Variants in RBFOX1 observed in about 807,000 individuals in gnomAD.
RBFOX1 encodes RNA binding fox-1 homolog 1, also known as RNA binding protein fox-1 homolog 1.
Under a neutral mutation model 57.7 loss-of-function variants are expected in RBFOX1, and 8 were observed. The ratio of observed to expected loss-of-function variants is 0.14; its 90% CI spans 0.08 to 0.25. RBFOX1 has a LOEUF of 0.25. Ranked by LOEUF, RBFOX1 falls within the 10% of genes least tolerant of loss-of-function variation. RBFOX1 has a pLI of 1.00. For synonymous variants in RBFOX1, 326 were observed against 222.4 expected (o/e 1.47, Z -4.15); for missense variants, 611 against 548.5 (o/e 1.11, Z -1.14).
At position 7,127,066 on chromosome 16, in the gene RBFOX1, C is replaced by A. The variant is rs1362067854; in HGVS notation, c.27+74968C>A. On this transcript the variant is annotated intron_variant, in intron 4 of 15. Transcript: ENST00000550418. ...CTAAGAGAAAATCTGGTTGGTCCTT[C>A]CTAGACCCCTTTTGTTTAAACAGCT... is the stretch of plus-strand genomic sequence containing the variant. Among the ~76,000 whole-genome samples the A allele has an allele frequency of 2.0e-5, 3 of 151,746 alleles. No homozygotes were observed. In the East Asian group the frequency reaches 5.8e-4, roughly 29 times the overall value.
rs574181802 is a variant in RBFOX1, at chr16:7,042,036, G to C, written c.-15-10021G>C. On this transcript the variant is annotated intron_variant, in intron 3 of 15. Transcript: ENST00000550418. ...GATTCCTTAACCTCCAGTCTCCATT[G>C]GGGAGAAAACTGGATCTACAGAAGG... Among the ~76,000 whole-genome samples, 329 of 152,262 alleles carry C rather than the reference G, an allele frequency of 2.2e-3. 3 individuals carry two copies. The highest frequency in any genetic ancestry group is 7.5e-3 in the African/African-American group (310 of 41,558).
At chr16:5,375,402 G>C (rs1349454159) in intron 1 of RBFOX1, among the ~76,000 whole-genome samples, 1 of 152,154 alleles carries the variant, frequency 6.6e-6, no homozygotes, top group Non-Finnish European at 1.5e-5. Context: ...GAATCTCCAG[G>C]GCTTGTGGGA....
chr16:7,548,194 A>G (rs2085167742), intron 5 of RBFOX1, among the ~76,000 whole-genome samples: 1 of 152,168 alleles, frequency 6.6e-6, no homozygotes, highest in Non-Finnish European at 1.5e-5. Flanking sequence ...CTTTTGAGAC[A>G]GAGAGTCCCA....
chr16:7,540,341 A>T (rs2082595779), intron 5 of RBFOX1, among the ~76,000 whole-genome samples: 1 of 152,208 alleles, frequency 6.6e-6, no homozygotes, highest in African/African-American at 2.4e-5. Context: ...CCATGTCGGC[A>T]ATGTGGCTGA....
At chr16:6,031,046 A>T (rs756946382) in intron 1 of RBFOX1, among the ~76,000 whole-genome samples, 2 of 152,204 alleles carry the variant, frequency 1.3e-5, no homozygotes, top group Non-Finnish European at 2.9e-5. Context: ...CCGTTATCAT[A>T]AGTATTAAAA....
chr16:7,506,250 AG>A (rs1315090170), intron 4 of RBFOX1, among the ~76,000 whole-genome samples: 1 of 150,540 alleles, frequency 6.6e-6, no homozygotes, highest in Non-Finnish European at 1.5e-5. Context: ...CCAGAACAAA[AG>A]TTTATATGTT....
At chr16:6,226,992 C>T (rs1044461897) in intron 1 of RBFOX1, among the ~76,000 whole-genome samples, 4 of 150,498 alleles carry the variant, frequency 2.7e-5, no homozygotes, top group Non-Finnish European at 5.9e-5. Context: ...GGTGTGGTAG[C>T]AGGCACCTGT....
At chr16:7,086,594 A>C (rs2060013687) in intron 4 of RBFOX1, among the ~76,000 whole-genome samples, 1 of 152,196 alleles carries the variant, frequency 6.6e-6, no homozygotes, top group Admixed American at 6.5e-5. Flanking sequence ...GGATACTTTC[A>C]GGAAATCTTA....
intron 1 of RBFOX1, among the ~76,000 whole-genome samples, chr16:6,195,061 G>A (rs1173059524): frequency 2.0e-5 from 3 of 152,104 alleles, no homozygotes; most frequent in African/African-American, 4.8e-5. Context: ...TTCAGATACG[G>A]AATCAGAGAA....
chr16:7,426,715 C>T (rs965396956), intron 4 of RBFOX1, among the ~76,000 whole-genome samples: 1 of 152,052 alleles, frequency 6.6e-6, no homozygotes, highest in Non-Finnish European at 1.5e-5. Flanking sequence ...GTGGAAGGTC[C>T]TGAGAATACC....
Position 6,363,507 on chromosome 16 carries a change from GTTC to G in RBFOX1, c.-64+46453_-64+46455del, listed in dbSNP as rs151140897. ...TTTACTTATTTGTTTAAATAATTGC[GTTC>G]TTTGGAATTGCCTAAATTTTGCACT... On this transcript the variant is annotated intron_variant, in intron 2 of 15. Transcript: ENST00000550418. Among the ~76,000 whole-genome samples the G allele has an allele frequency of 1.1e-3, 162 of 152,292 alleles. 5 individuals are homozygous for G. In the East Asian group the frequency reaches 0.026, roughly 24 times the overall value.
chr16:6,288,472 G>T (rs17220445), intron 1 of RBFOX1, among the ~76,000 whole-genome samples: 24,266 of 152,114 alleles, frequency 0.16, 2,313 homozygotes, highest in Non-Finnish European at 0.2. Context: ...AACAAATAAG[G>T]TCCATGCATC....
At chr16:6,582,850 A>G (rs1376580779) in intron 2 of RBFOX1, among the ~76,000 whole-genome samples, 1 of 107,726 alleles carries the variant, frequency 9.3e-6, no homozygotes, top group African/African-American at 2.9e-5. Context: ...GTTCATTTCA[A>G]CAGAAACAAC....
Position 5,977,362 on chromosome 16 carries a change from C to T in RBFOX1, c.351+110027C>T, listed in dbSNP as rs116956182. Among the ~76,000 whole-genome samples the T allele has an allele frequency of 2.9e-4, 44 of 152,238 alleles. No homozygotes were observed. The East Asian group carries it at 6.4e-3, about 22-fold the overall frequency. On this transcript the variant is annotated intron_variant, in intron 4 of 19. Transcript: ENST00000641259. ...CGTCATGCAGAGTCTCTCCAGAGAC[C>T]GCTCCCTGCCCTCCATGGTCACTGT... is the stretch of plus-strand genomic sequence containing the variant.
At chr16:6,647,381 A>T (rs1403089949) in intron 2 of RBFOX1, among the ~76,000 whole-genome samples, 1 of 152,098 alleles carries the variant, frequency 6.6e-6, no homozygotes, top group Non-Finnish European at 1.5e-5. Flanking sequence ...AGTAGCTGGG[A>T]TTATAGATGC....
intron 1 of RBFOX1, among the ~76,000 whole-genome samples, chr16:5,267,584 C>T (rs943956144): frequency 2.6e-5 from 4 of 151,840 alleles, no homozygotes; most frequent in African/African-American, 9.7e-5. Context: ...AGGTGTGAGC[C>T]ACTGTGCCTG....
At chr16:5,724,164 A>C (rs1730751929) in intron 3 of RBFOX1, among the ~76,000 whole-genome samples, 1 of 152,068 alleles carries the variant, frequency 6.6e-6, no homozygotes, top group African/African-American at 2.4e-5. Flanking sequence ...CAAAGAAGAG[A>C]ATGTTTTTTC....
In RBFOX1 at chr16:6,857,927, ATTTTAT is replaced by A. The variant is rs566883366; in HGVS notation, c.-15-194124_-15-194119del. Among the ~76,000 whole-genome samples the A allele has an allele frequency of 3.0e-4, 46 of 152,168 alleles. 1 individual carries two copies. The highest frequency in any genetic ancestry group is 5.4e-4 in the Non-Finnish European group (37 of 68,018). ...CCACAGAAGTCATTGCATTTACTTT[ATTTTAT>A]TTTTAAGCATCAAGACAATACTGGT... On this transcript the variant is annotated intron_variant, in intron 3 of 15. Transcript: ENST00000550418.
At chr16:7,558,311 G>A (rs1050214805) in intron 5 of RBFOX1, among the ~76,000 whole-genome samples, 1 of 152,028 alleles carries the variant, frequency 6.6e-6, no homozygotes, top group Non-Finnish European at 1.5e-5. Flanking sequence ...CCATGATTGT[G>A]CCATTGCACT....
Sources: gnomAD v4.1 joint callset for allele counts (sites outside exome capture counted in the v4.1 genomes callset) on GRCh38, gnomAD v4.1.1 for gene constraint, MANE v1.5 for transcripts, NCBI Gene and HGNC (gene_info 2026-07-23, HGNC 2026-07-21) for gene names.